Variants in TMEM94 observed in about 807,000 individuals in gnomAD.
TMEM94 encodes the protein transmembrane protein 94, also known as ER Mg2+ ATPase.
In TMEM94, 81 loss-of-function variants were observed where a neutral mutation model predicts 158.6. The ratio of observed to expected loss-of-function variants is 0.51; its 90% CI spans 0.43 to 0.61. The LOEUF (loss-of-function observed/expected upper bound fraction) is 0.61, where lower values mean the gene tolerates loss of function less well. Ranked by LOEUF, TMEM94 falls within the 20% of genes least tolerant of loss-of-function variation. The probability of loss-of-function intolerance (pLI) is 0.00; values close to 1 mark genes in which losing one functional copy is unlikely to be tolerated. For synonymous variants in TMEM94, 751 were observed against 730.7 expected, an observed-to-expected ratio of 1.03 and a Z score of -0.45; for missense variants, 1,435 against 1,762.0, an observed-to-expected ratio of 0.81 and a Z score of 3.32.
intron 2 of TMEM94, 152 bp downstream of exon 2, chr17:75,472,081 G>A (rs957191336): frequency 2.9e-6 from 2 of 690,026 alleles, no homozygotes; most frequent in African/African-American, 3.6e-5. Flanking sequence ...ATGCGACTGT[G>A]ACCTCTTGGC....
intron 16 of TMEM94, 111 bp downstream of exon 16, chr17:75,493,213 A>C: frequency 8.4e-7 from 1 of 1,188,898 alleles, no homozygotes; most frequent in Non-Finnish European, 1.2e-6. Flanking sequence ...TGAAAAGTAG[A>C]CTGCTTCCAA....
chr17:75,484,755 G>A (rs1163043252), intron 2 of TMEM94, among the ~76,000 whole-genome samples: 2 of 151,864 alleles, frequency 1.3e-5, no homozygotes, highest in Non-Finnish European at 2.9e-5. Context: ...ATATATTTTA[G>A]GCCAGGCACA....
In TMEM94 at chr17:75,491,090, CG is replaced by C; in HGVS notation, c.1176del (p.Thr393HisfsTer5). On this transcript the variant is annotated frameshift_variant, in exon 12 of 32. Coordinates refer to ENST00000314256, the MANE Select transcript of TMEM94 (RefSeq NM_014738.6). LOFTEE classifies it high-confidence loss of function. The surrounding 1 kb of genome is among the most constrained non-coding windows in gnomAD (Gnocchi z 5.1). ...TTTGGGGCCACTTCCTGAGGGTGCTCGGGGGGACATCGCCAACGCTGAGCCA... is the reference window on the plus strand; with the variant it reads ...TTTGGGGCCACTTCCTGAGGGTGCTCGGGGGACATCGCCAACGCTGAGCCA... ...CIWGHFLRVL[G>X]GTSPTLSHSS... 3.1e-6 allele frequency: 5 copies of C among 1,613,358 alleles called. No homozygotes were observed. The highest frequency in any genetic ancestry group is 4.2e-6 in the Non-Finnish European group (5 of 1,179,684).
rs12943999 is a variant in TMEM94, at chr17:75,467,573, C to T, written c.-106-4227C>T. 1.2e-4 allele frequency among the ~76,000 whole-genome samples: 18 copies of T among 144,840 alleles called. No homozygotes were observed. The East Asian group carries it at 1.6e-3, about 13-fold the overall frequency. On this transcript the variant is annotated intron_variant, in intron 1 of 31. Transcript: ENST00000314256. ...CGGAGTCTCGCTCTGTCGCCCAGGC[C>T]GGACTGCGGACTGCAGTGGCGCAAT...
At chr17:75,490,907 A>G in intron 11 of TMEM94, 142 bp from the exon 12 acceptor site, 1 of 934,770 alleles carries the variant, frequency 1.1e-6, no homozygotes, top group Admixed American at 2.2e-5. Context: ...ACCTGTTCCC[A>G]TAACGTGTCC....
In TMEM94 at chr17:75,471,861, G is replaced by C; in HGVS notation, c.-45G>C. On this transcript the variant is annotated 5_prime_UTR_variant, in exon 2 of 32. Coordinates refer to ENST00000314256, the MANE Select transcript of TMEM94 (RefSeq NM_014738.6). ...ATGCTGGGGAGGAGCCTTCCTTTCA[G>C]GGGTGACCACATTCATCTGGGCATG... 6.2e-7 allele frequency: 1 copy of C among 1,612,200 alleles called. No homozygotes were observed. Among genetic ancestry groups the C allele is most frequent in the South Asian group, 1.1e-5 (1 of 91,014 alleles).
At chr17:75,476,362 C>T (rs142564877) in intron 2 of TMEM94, 13 of 488,836 alleles carry the variant, frequency 2.7e-5, no homozygotes, top group African/African-American at 1.2e-4. Context: ...TCTGGCAGCG[C>T]GTTGGACAAA....
Position 75,492,434 on chromosome 17 carries a change from C to T in TMEM94, c.1597-40C>T. 3.2e-6 allele frequency: 5 copies of T among 1,545,596 alleles called. No homozygotes were observed. Among genetic ancestry groups the T allele is most frequent in the Non-Finnish European group, 4.4e-6 (5 of 1,142,702 alleles). Reference sequence around the variant, plus strand: ...CAGAGCCAGTGCTGGCTTCCCCACACCCTATCCCGGGCTGAGGCTCTCCTC... The same window carrying T: ...CAGAGCCAGTGCTGGCTTCCCCACATCCTATCCCGGGCTGAGGCTCTCCTC... On this transcript the variant is annotated intron_variant, in intron 14 of 31. Coordinates refer to ENST00000314256, the MANE Select transcript of TMEM94 (RefSeq NM_014738.6). The surrounding 1 kb of genome is among the most constrained non-coding windows in gnomAD (Gnocchi z 4.4).
intron 1 of TMEM94, among the ~76,000 whole-genome samples, chr17:75,464,134 C>T (rs777913453): frequency 2.0e-5 from 3 of 152,170 alleles, no homozygotes; most frequent in Non-Finnish European, 2.9e-5. Context: ...AGCTTGGCAG[C>T]AGGAGGCATC....
Position 75,496,083 on chromosome 17 carries a change from G to A in TMEM94, c.3053+9G>A, listed in dbSNP as rs377448407. 121 of 1,602,296 alleles carry A rather than the reference G, an allele frequency of 7.6e-5. No homozygotes were observed. The highest frequency in any genetic ancestry group is 8.8e-5 in the Non-Finnish European group (103 of 1,174,188). On this transcript the variant is annotated intron_variant, in intron 23 of 31. Coordinates refer to ENST00000314256, the MANE Select transcript of TMEM94 (RefSeq NM_014738.6). ...CTCCAGAGCGACATCAGGTCAGGGC[G>A]GGACCCTGGAGCCTGCGGGCCAGCC...
intron 1 of TMEM94, chr17:75,457,179 G>A (rs78541128): frequency 0.036 from 5,491 of 152,472 alleles, 123 homozygotes; most frequent in Middle Eastern, 0.11. Context: ...CTCCGCAGCC[G>A]CCCGGGGTCC....
In TMEM94 at chr17:75,499,266, C is replaced by G. The variant is rs565769905; in HGVS notation, c.4003C>G (p.Arg1335Gly). Residue 1335 changes from arginine (R) to glycine (G), a missense_variant, in exon 32 of 32, where the codon CGA (arginine) becomes GGA (glycine). By Grantham distance (125) the Arg-to-Gly change is moderately radical (BLOSUM62 -2). Coordinates refer to ENST00000314256, the MANE Select transcript of TMEM94 (RefSeq NM_014738.6). ...EIVKLHEIRV[R>G]VRYQKRQKLQ... ...TTTAATCTCCTGCCCCACCAGGGTC[C>G]GAGTCCGCTACCAGAAGCGACAGAA... The G allele has an allele frequency of 1.2e-6, 2 of 1,613,642 alleles. No homozygotes were observed. Among genetic ancestry groups the G allele is most frequent in the Non-Finnish European group, 1.7e-6 (2 of 1,179,966 alleles).
rs2052143939 is a variant in TMEM94 at position 75,491,173 on chromosome 17, G to T, written c.1233+20G>T. ...GTCACGGTGAGGGTGGGCCTTGCGG[G>T]GAGGAGGCAACTGTCATGCCCGCCC... On this transcript the variant is annotated intron_variant, in intron 12 of 31. Transcript: ENST00000314256. The surrounding 1 kb of genome is among the most constrained non-coding windows in gnomAD (Gnocchi z 5.1). The T allele has an allele frequency of 6.3e-7, 1 of 1,598,612 alleles. No individual in the cohort carries two copies. The highest frequency in any genetic ancestry group is 1.3e-5 in the African/African-American group (1 of 74,702).
intron 1 of TMEM94, among the ~76,000 whole-genome samples, chr17:75,464,116 T>C (rs190263956): frequency 2.8e-3 from 426 of 152,290 alleles, no homozygotes; most frequent in African/African-American, 9.8e-3. Context: ...TTTTTGACCT[T>C]GTTTCTGAGC....
chr17:75,494,830 GCCACCACTAACT>G (rs746376619), intron 19 of TMEM94, 22 bp downstream of exon 19: 6 of 1,613,014 alleles, frequency 3.7e-6, no homozygotes, highest in Non-Finnish European at 5.1e-6. Flanking sequence ...CATCCCTTCT[GCCACCACTAACT>G]CTGTTTCCAC....
rs1203256327 is a variant in TMEM94 at position 75,493,606 on chromosome 17, G to A, written c.2189+13G>A. 2 of 1,613,534 alleles carry A rather than the reference G, an allele frequency of 1.2e-6. No individual in the cohort carries two copies. The highest frequency in any genetic ancestry group is 1.7e-6 in the Non-Finnish European group (2 of 1,179,776). On this transcript the variant is annotated intron_variant, in intron 17 of 31. Coordinates refer to ENST00000314256, the MANE Select transcript of TMEM94 (RefSeq NM_014738.6). ...CGGGATCTGACAGGTGGGTGAGGAA[G>A]CACATGCCAGCAGCAAGAGCAGTCG...
At chr17:75,488,218 G>A in intron 6 of TMEM94, 84 bp downstream of exon 6, 1 of 1,343,798 alleles carries the variant, frequency 7.4e-7, no homozygotes, top group Non-Finnish European at 1.1e-6. Flanking sequence ...ACTTCATCCG[G>A]AAGCTTCCCG....
chr17:75,466,711 G>A (rs752331870), intron 1 of TMEM94, among the ~76,000 whole-genome samples: 6 of 151,972 alleles, frequency 3.9e-5, no homozygotes, highest in African/African-American at 4.8e-5. Flanking sequence ...CCAGCTGTTC[G>A]GGAGGCTGAG....
chr17:75,457,941 C>G (rs967339627), intron 1 of TMEM94, among the ~76,000 whole-genome samples: 1 of 152,038 alleles, frequency 6.6e-6, no homozygotes, highest in African/African-American at 2.4e-5. Context: ...AAGCGATGGG[C>G]ATTAAAAGTA....
Sources: allele counts gnomAD v4.1 joint callset (sites outside exome capture counted in the v4.1 genomes callset), GRCh38; gene constraint gnomAD v4.1.1; non-coding constraint Gnocchi (gnomAD v3.1); transcripts MANE v1.5; gene names NCBI Gene and HGNC (gene_info 2026-07-23, HGNC 2026-07-21).